The following BUD13 variants were observed in gnomAD, a reference collection of about 807,000 sequenced individuals.
The protein encoded by BUD13 is BUD13 homolog.
In BUD13, 47 loss-of-function variants were observed where a neutral mutation model predicts 62.5. The observed-to-expected ratio is 0.75, with a 90% confidence interval of 0.60 to 0.96. The LOEUF (loss-of-function observed/expected upper bound fraction) is 0.96. BUD13 is among the 40% of genes least tolerant of loss of function. The probability of loss-of-function intolerance (pLI) is 0.00; values close to 1 mark genes in which losing one functional copy is unlikely to be tolerated. For synonymous variants in BUD13, 293 were observed against 280.1 expected (o/e 1.05, Z -0.46); for missense variants, 821 against 790.9 (o/e 1.04, Z -0.46).
Position 116,748,200 on chromosome 11 carries a change from T to C in BUD13, c.*282A>G. On this transcript the variant is annotated 3_prime_UTR_variant, in exon 10 of 10. Coordinates refer to ENST00000260210, the MANE Select transcript of BUD13 (RefSeq NM_032725.4). Reference sequence around the variant, plus strand: ...TTAAAAAAATAAATACATGTTTATTTAAAAAAGAAAAAGAAAAACCCTACC... The same window carrying C: ...TTAAAAAAATAAATACATGTTTATTCAAAAAAGAAAAAGAAAAACCCTACC... 1 of 317,138 alleles carries C rather than the reference T, an allele frequency of 3.2e-6. No individual in the cohort carries two copies. Among genetic ancestry groups the C allele is most frequent in the Non-Finnish European group, 5.8e-6 (1 of 173,488 alleles). 19.6% of individuals were successfully genotyped at this position (317,138 alleles called of 1,614,324 possible).
intron 1 of BUD13, among the ~76,000 whole-genome samples, chr11:116,772,336 G>T (rs1940644410): frequency 6.6e-6 from 1 of 152,116 alleles, no homozygotes; most frequent in African/African-American, 2.4e-5. Flanking sequence ...ATGGTGCCTG[G>T]CAAGAAAAGT....
At chr11:116,770,651 C>G (rs892072078) in intron 1 of BUD13, among the ~76,000 whole-genome samples, 3 of 151,996 alleles carry the variant, frequency 2.0e-5, no homozygotes, top group Non-Finnish European at 2.9e-5. Context: ...ACCACTGCCA[C>G]GCCTGGCTAA....
chr11:116,748,877 C>G (rs1341041292), intron 9 of BUD13, among the ~76,000 whole-genome samples: 1 of 148,704 alleles, frequency 6.7e-6, no homozygotes, highest in African/African-American at 2.5e-5. Flanking sequence ...TCCAGCTATT[C>G]GGGAGGCTGA....
intron 3 of BUD13, among the ~76,000 whole-genome samples, chr11:116,764,429 T>C (rs1940492899): frequency 6.6e-6 from 1 of 152,138 alleles, no homozygotes; most frequent in Non-Finnish European, 1.5e-5. Flanking sequence ...GGTCAGAGAT[T>C]GGTAAGCGTA....
At chr11:116,754,880 C>G (rs1472273088) in intron 9 of BUD13, among the ~76,000 whole-genome samples, 3 of 152,160 alleles carry the variant, frequency 2.0e-5, no homozygotes, top group African/African-American at 7.2e-5. Flanking sequence ...TGAGCTTTAC[C>G]TGAAGGAAAA....
At chr11:116,768,211 A>T (rs957022795) in intron 2 of BUD13, among the ~76,000 whole-genome samples, 1 of 152,174 alleles carries the variant, frequency 6.6e-6, no homozygotes, top group Non-Finnish European at 1.5e-5. Context: ...ACAACGATGT[A>T]TGATATTTTA....
At chr11:116,754,105 G>A (rs911641712) in intron 9 of BUD13, among the ~76,000 whole-genome samples, 1 of 152,210 alleles carries the variant, frequency 6.6e-6, no homozygotes, top group African/African-American at 2.4e-5. Context: ...GAGTGCAGTG[G>A]TGCAATCACA....
At chr11:116,772,759 A>T in intron 1 of BUD13, 63 bp downstream of exon 1, 1 of 1,439,480 alleles carries the variant, frequency 6.9e-7, no homozygotes, top group Non-Finnish European at 9.1e-7. Flanking sequence ...CGGGCGGCCG[A>T]GGGCGGAGTT....
intron 2 of BUD13, among the ~76,000 whole-genome samples, chr11:116,768,998 C>T (rs1441686268): frequency 1.5e-5 from 2 of 130,126 alleles, no homozygotes; most frequent in Admixed American, 1.8e-4. Context: ...CTGGGCAACA[C>T]GGTGAGACTC....
At chr11:116,750,885 T>A (rs1345884494) in intron 9 of BUD13, among the ~76,000 whole-genome samples, 1 of 152,188 alleles carries the variant, frequency 6.6e-6, no homozygotes, top group Non-Finnish European at 1.5e-5. Flanking sequence ...CTTTATGCTA[T>A]CCAACAACAG....
chr11:116,750,255 A>G (rs148536028), intron 9 of BUD13, among the ~76,000 whole-genome samples: 5 of 152,316 alleles, frequency 3.3e-5, no homozygotes, highest in Admixed American at 2.6e-4. Flanking sequence ...ATGATCAGAG[A>G]AAAGAACCAG....
chr11:116,755,645 A>G (rs1282204009), intron 9 of BUD13, among the ~76,000 whole-genome samples: 1 of 152,216 alleles, frequency 6.6e-6, no homozygotes, highest in African/African-American at 2.4e-5. Context: ...AACAAATCAC[A>G]ACAGACAAAT....
At position 116,770,252 on chromosome 11, in the gene BUD13, T is replaced by G. The variant is rs781624599; in HGVS notation, c.144-30A>C. The G allele has an allele frequency of 3.8e-6, 6 of 1,563,232 alleles. No individual in the cohort carries two copies. The African/African-American group carries it at 8.3e-5, about 22-fold the overall frequency. On this transcript the variant is annotated intron_variant, in intron 1 of 9. Transcript: ENST00000260210. ...ATGAGAATAAGAAGATCAAAAAGAGTCATTCTAGGATACCAGCATAAAAAC... is the reference window on the plus strand; with the variant it reads ...ATGAGAATAAGAAGATCAAAAAGAGGCATTCTAGGATACCAGCATAAAAAC...
In BUD13 at chr11:116,762,754, T is replaced by C. The variant is rs762325860; in HGVS notation, c.835A>G (p.Thr279Ala). Residue 279 changes from threonine (T) to alanine (A), a missense_variant, in exon 4 of 10, where the codon ACT (threonine) becomes GCT (alanine). By Grantham distance (58) the Thr-to-Ala change is moderately conservative. This residue lies in a region of BUD13 where 800 missense variants were observed against 739.2 expected (regional missense o/e 1.08). Coordinates refer to ENST00000260210, the MANE Select transcript of BUD13 (RefSeq NM_032725.4). ...HDSPDLAPNV[T>A]YSLPRTKSGK... ...CTTTTGGTTCTGGGCAGGGAATAAGTGACATTAGGAGCCAAATCAGGGGAG... is the reference window on the plus strand; with the variant it reads ...CTTTTGGTTCTGGGCAGGGAATAAGCGACATTAGGAGCCAAATCAGGGGAG... The C allele has an allele frequency of 3.1e-6, 5 of 1,614,118 alleles. No homozygotes were observed. The South Asian group carries it at 5.5e-5, about 18-fold the overall frequency.
chr11:116,764,828 G>A (rs1940500564), intron 3 of BUD13, among the ~76,000 whole-genome samples: 1 of 152,186 alleles, frequency 6.6e-6, no homozygotes, highest in Non-Finnish European at 1.5e-5. Flanking sequence ...TTTAAAGAGA[G>A]TTAAATTAAG....
chr11:116,758,189 A>C (rs1340913716), intron 7 of BUD13, 80 bp downstream of exon 7: 2 of 1,572,608 alleles, frequency 1.3e-6, no homozygotes, highest in Admixed American at 3.7e-5. Context: ...GCATAATAAG[A>C]AAGTGAGTGA....
At chr11:116,770,276 A>C in intron 1 of BUD13, 54 bp from the exon 2 acceptor site, 3 of 1,461,682 alleles carry the variant, frequency 2.1e-6, no homozygotes, top group South Asian at 1.2e-5. Flanking sequence ...CAGCATAAAA[A>C]CATTTATCTA....
intron 2 of BUD13, among the ~76,000 whole-genome samples, chr11:116,765,756 A>G (rs1460937755): frequency 6.6e-6 from 1 of 152,194 alleles, no homozygotes; most frequent in Non-Finnish European, 1.5e-5. Context: ...ACTAACAACT[A>G]AATTCCTTTT....
chr11:116,758,205 A>G (rs1591297822), intron 7 of BUD13, 64 bp downstream of exon 7: 3 of 1,594,436 alleles, frequency 1.9e-6, no homozygotes, highest in Non-Finnish European at 1.7e-6. Flanking sequence ...AGTGATCAGA[A>G]GAGCAGAGAA....
Sources: allele counts gnomAD v4.1 joint callset (sites outside exome capture counted in the v4.1 genomes callset), GRCh38; gene constraint gnomAD v4.1.1; regional missense constraint gnomAD v4.1.1; transcripts MANE v1.5; gene names NCBI Gene and HGNC (gene_info 2026-07-23, HGNC 2026-07-21).